SUPT3H: variants seen among roughly 807,000 people sequenced by gnomAD.
SUPT3H encodes SPT3 homolog, SAGA and STAGA complex component, also known as transcription initiation protein SPT3 homolog.
In SUPT3H, 44 loss-of-function variants were observed where a neutral mutation model predicts 44.3. That is an observed-to-expected ratio of 0.99 (90% confidence interval 0.78 to 1.28). The LOEUF (loss-of-function observed/expected upper bound fraction) is 1.28. SUPT3H is among the 50% of genes most tolerant of loss of function. SUPT3H has a pLI of 0.00. For synonymous variants in SUPT3H, 124 were observed against 125.6 expected (o/e 0.99, Z 0.09); for missense variants, 380 against 387.1 (o/e 0.98, Z 0.15).
At chr6:44,922,091 T>C (rs977497997) in intron 10 of SUPT3H, among the ~76,000 whole-genome samples, 4 of 152,234 alleles carry the variant, frequency 2.6e-5, no homozygotes, top group African/African-American at 4.8e-5. Flanking sequence ...AAAATTAACA[T>C]CTGACTGACA....
chr6:45,354,066 T>A (rs1792629076), intron 2 of SUPT3H, among the ~76,000 whole-genome samples: 1 of 150,880 alleles, frequency 6.6e-6, no homozygotes. Context: ...TGGAGGGAGG[T>A]GCTCTCATAA....
At chr6:44,919,143 A>G (rs956859063) in intron 10 of SUPT3H, among the ~76,000 whole-genome samples, 1 of 152,224 alleles carries the variant, frequency 6.6e-6, no homozygotes, top group East Asian at 1.9e-4. Context: ...TGCTGCTCTC[A>G]TTACGTTCCT....
At chr6:45,098,983 A>G (rs1221529779) in intron 3 of SUPT3H, 1 of 413,700 alleles carries the variant, frequency 2.4e-6, no homozygotes, top group East Asian at 7.1e-5. Context: ...ATCCAGCTAC[A>G]GCCTATTCCA....
At chr6:45,104,696 T>C (rs1289109188) in intron 3 of SUPT3H, among the ~76,000 whole-genome samples, 1 of 151,818 alleles carries the variant, frequency 6.6e-6, no homozygotes, top group Non-Finnish European at 1.5e-5. Flanking sequence ...ACAAAGAAGA[T>C]GAAATAGTTA....
intron 10 of SUPT3H, among the ~76,000 whole-genome samples, chr6:44,888,648 C>T (rs1423196439): frequency 2.6e-5 from 4 of 152,084 alleles, no homozygotes; most frequent in Admixed American, 2.6e-4. Context: ...GACAAACCCA[C>T]AGCCAATATC....
chr6:45,065,062 A>G lies in SUPT3H; in HGVS notation c.186+40860T>C, dbSNP rs1414591788. On this transcript the variant is annotated intron_variant, in intron 3 of 10. Coordinates refer to ENST00000371459, the MANE Select transcript of SUPT3H (RefSeq NM_003599.4). ...CAAAATTGACCACATACTGGGAAGT[A>G]AAGCTCTCCTCAGCAAATGTAAAAG... 9.9e-5 allele frequency among the ~76,000 whole-genome samples: 15 copies of G among 151,088 alleles called. No individual in the cohort carries two copies. In the East Asian group the frequency reaches 2.1e-3, roughly 22 times the overall value.
intron 6 of SUPT3H, among the ~76,000 whole-genome samples, chr6:44,984,706 T>C (rs975778629): frequency 1.3e-5 from 2 of 152,148 alleles, no homozygotes; most frequent in African/African-American, 4.8e-5. Flanking sequence ...AACTGACCTC[T>C]TTCCTATATG....
chr6:45,085,268 A>T (rs1239935594), intron 3 of SUPT3H, among the ~76,000 whole-genome samples: 3 of 152,198 alleles, frequency 2.0e-5, no homozygotes, highest in Non-Finnish European at 4.4e-5. Flanking sequence ...TATTTAATTA[A>T]ATATTCTGAA....
chr6:44,948,838 C>T (rs528443652), intron 9 of SUPT3H, among the ~76,000 whole-genome samples: 73 of 152,246 alleles, frequency 4.8e-4, no homozygotes, highest in Admixed American at 9.8e-4. Flanking sequence ...TGTGGTGATT[C>T]CTCAAGAATC....
intron 3 of SUPT3H, among the ~76,000 whole-genome samples, chr6:45,092,214 A>C (rs550895250): frequency 2.8e-4 from 42 of 152,186 alleles, no homozygotes; most frequent in African/African-American, 7.5e-4. Context: ...TGCAAAAAAA[A>C]CCCAAAAAAC....
intron 1 of SUPT3H, chr6:45,377,393 T>C (rs981146504): frequency 2.0e-5 from 3 of 152,254 alleles, no homozygotes; most frequent in African/African-American, 7.2e-5. Flanking sequence ...CGCCGTGCCA[T>C]AAAGCAACAA....
intron 2 of SUPT3H, among the ~76,000 whole-genome samples, chr6:45,186,487 T>A (rs1332063218): frequency 1.3e-5 from 2 of 151,994 alleles, no homozygotes; most frequent in Admixed American, 1.3e-4. Context: ...ACTGAAAATA[T>A]AATAGCCCAA....
At chr6:45,319,649 G>T (rs1785181054) in intron 2 of SUPT3H, among the ~76,000 whole-genome samples, 1 of 152,084 alleles carries the variant, frequency 6.6e-6, no homozygotes, top group South Asian at 2.1e-4. Context: ...TCTACCTAAT[G>T]TAGGTAAATC....
chr6:45,314,232 C>T, intron 2 of SUPT3H, among the ~76,000 whole-genome samples: 1 of 152,066 alleles, frequency 6.6e-6, no homozygotes, highest in Non-Finnish European at 1.5e-5. Flanking sequence ...AGAATGGGAA[C>T]AAGACAAGGA....
chr6:45,115,762 A>G (rs1188016757), intron 2 of SUPT3H, among the ~76,000 whole-genome samples: 1 of 152,204 alleles, frequency 6.6e-6, no homozygotes, highest in Admixed American at 6.5e-5. Flanking sequence ...AAATGCACTT[A>G]CATTCAACGA....
At chr6:44,900,773 A>G (rs1013608528) in intron 10 of SUPT3H, among the ~76,000 whole-genome samples, 5 of 152,164 alleles carry the variant, frequency 3.3e-5, no homozygotes, top group Non-Finnish European at 2.9e-5. Context: ...GGCACCCCCT[A>G]GCAGGGGCAG....
intron 2 of SUPT3H, among the ~76,000 whole-genome samples, chr6:45,147,253 T>C (rs750975915): frequency 6.6e-6 from 1 of 152,184 alleles, no homozygotes; most frequent in South Asian, 2.1e-4. Context: ...TTAAAATACG[T>C]TGTCCTCGTT....
intron 3 of SUPT3H, among the ~76,000 whole-genome samples, chr6:45,078,292 A>G (rs1331136471): frequency 1.3e-5 from 2 of 152,012 alleles, no homozygotes; most frequent in Admixed American, 1.3e-4. Context: ...ACATAAAAAT[A>G]CTCTCGACTT....
chr6:45,306,772 T>C (rs1322918333), intron 2 of SUPT3H, among the ~76,000 whole-genome samples: 1 of 152,084 alleles, frequency 6.6e-6, no homozygotes, highest in African/African-American at 2.4e-5. Context: ...TCACTGAGGC[T>C]TGTCAGACAG....
Sources: allele counts gnomAD v4.1 joint callset (sites outside exome capture counted in the v4.1 genomes callset), GRCh38; gene constraint gnomAD v4.1.1; transcripts MANE v1.5; gene names NCBI Gene and HGNC (gene_info 2026-07-23, HGNC 2026-07-21).